DPF3: variants seen among roughly 807,000 people sequenced by gnomAD.
The protein encoded by DPF3 is zinc finger protein DPF3.
DPF3 carries 18 observed loss-of-function variants against 56.8 expected under a neutral mutation model. The observed-to-expected ratio is 0.32, with a 90% CI of 0.22 to 0.47. The LOEUF (loss-of-function observed/expected upper bound fraction) is 0.47, where lower values mean the gene tolerates loss of function less well. Ranked by LOEUF, DPF3 falls within the 20% of genes least tolerant of loss-of-function variation. The pLI, the probability that DPF3 is intolerant of heterozygous loss-of-function variation, is 1.00. For missense variants in DPF3, 403 were observed against 488.8 expected, an observed-to-expected ratio of 0.82 and a Z score of 1.65; for synonymous variants, 188 against 180.2, an observed-to-expected ratio of 1.04 and a Z score of -0.35.
At chr14:72,876,394 A>G (rs1886116043) in intron 1 of DPF3, among the ~76,000 whole-genome samples, 1 of 152,094 alleles carries the variant, frequency 6.6e-6, no homozygotes, top group African/African-American at 2.4e-5. Context: ...ACACAGGATG[A>G]CCACCCCACC....
At chr14:72,644,305 C>T (rs916119154) in intron 8 of DPF3, among the ~76,000 whole-genome samples, 1 of 152,228 alleles carries the variant, frequency 6.6e-6, no homozygotes, top group Non-Finnish European at 1.5e-5. Context: ...GGTCTGCACT[C>T]CTCCTGTATC....
At chr14:72,878,714 C>T (rs986390933) in intron 1 of DPF3, among the ~76,000 whole-genome samples, 2 of 152,204 alleles carry the variant, frequency 1.3e-5, no homozygotes, top group Admixed American at 1.3e-4. Flanking sequence ...TACTTACTCC[C>T]CTGAAAGAAA....
chr14:72,687,348 T>C (rs11621517), intron 7 of DPF3, among the ~76,000 whole-genome samples: 346 of 152,332 alleles, frequency 2.3e-3, no homozygotes, highest in Non-Finnish European at 4.1e-3. Context: ...GCTCTGAGTA[T>C]GCTATAGAGA....
chr14:72,687,739 G>A (rs2526910), intron 7 of DPF3, among the ~76,000 whole-genome samples: 89,591 of 152,012 alleles, frequency 0.59, 28,635 homozygotes, highest in East Asian at 0.93. Flanking sequence ...TCACCTCTTC[G>A]GTGAAGCCTT....
In DPF3 at chr14:72,708,633, T is replaced by C. The variant is rs906797268; in HGVS notation, c.604+5790A>G. 2.6e-5 allele frequency among the ~76,000 whole-genome samples: 4 copies of C among 152,152 alleles called. No homozygotes were observed. In the East Asian group the frequency reaches 7.7e-4, roughly 29 times the overall value. ...CAAAACTGCAAGAGTCATCTAACTC[T>C]CCCTGCTGCACTCAGGTAGGGGTAA... is the stretch of plus-strand genomic sequence containing the variant. On this transcript the variant is annotated intron_variant, in intron 6 of 10. Coordinates refer to ENST00000556509, the MANE Select transcript of DPF3 (RefSeq NM_001280542.3).
chr14:72,667,558 C>T (rs2153569956), intron 8 of DPF3, among the ~76,000 whole-genome samples: 1 of 152,266 alleles, frequency 6.6e-6, no homozygotes, highest in African/African-American at 2.4e-5. Flanking sequence ...ACTTATTTAA[C>T]AAAAGCAACA....
chr14:72,820,956 A>C (rs112547365), intron 1 of DPF3, among the ~76,000 whole-genome samples: 1 of 151,822 alleles, frequency 6.6e-6, no homozygotes, highest in African/African-American at 2.4e-5. Flanking sequence ...ACATGATGAA[A>C]CCCCATCTCT....
intron 1 of DPF3, among the ~76,000 whole-genome samples, chr14:72,841,849 A>C (rs1167712289): frequency 6.6e-6 from 1 of 152,112 alleles, no homozygotes; most frequent in Non-Finnish European, 1.5e-5. Context: ...TTGGGAGGCC[A>C]AGATAGGATG....
chr14:72,852,335 A>T (rs1394235718), intron 1 of DPF3, among the ~76,000 whole-genome samples: 1 of 152,234 alleles, frequency 6.6e-6, no homozygotes, highest in African/African-American at 2.4e-5. Context: ...ACTTGTGCTC[A>T]AAAACCCTTC....
intron 1 of DPF3, among the ~76,000 whole-genome samples, chr14:72,825,452 C>G (rs575873474): frequency 2.0e-5 from 3 of 152,170 alleles, no homozygotes; most frequent in Admixed American, 6.5e-5. Flanking sequence ...GGCTCACACT[C>G]TCTCACAGAG....
At chr14:72,653,323 G>T (rs1048871386) in intron 8 of DPF3, among the ~76,000 whole-genome samples, 3 of 152,202 alleles carry the variant, frequency 2.0e-5, no homozygotes, top group African/African-American at 7.2e-5. Context: ...GGGCCTCCAC[G>T]GAGTGGATGG....
At chr14:72,812,538 C>CT (rs1883096509) in intron 1 of DPF3, among the ~76,000 whole-genome samples, 1 of 151,982 alleles carries the variant, frequency 6.6e-6, no homozygotes, top group African/African-American at 2.4e-5. Context: ...ACCCAGAACA[C>CT]TTCCCATGAC....
chr14:72,665,460 G>T (rs920112955), intron 8 of DPF3, among the ~76,000 whole-genome samples: 1 of 152,138 alleles, frequency 6.6e-6, no homozygotes, highest in African/African-American at 2.4e-5. Flanking sequence ...CCAGTAATGG[G>T]GTAAATCAAT....
chr14:72,787,238 C>T (rs1175713705), intron 1 of DPF3, among the ~76,000 whole-genome samples: 1 of 152,248 alleles, frequency 6.6e-6, no homozygotes, highest in Non-Finnish European at 1.5e-5. Flanking sequence ...AGAAGCCCAG[C>T]CCACAGCTAT....
chr14:72,643,031 T>C lies in DPF3; in HGVS notation c.872-13295A>G, dbSNP rs58800234. On this transcript the variant is annotated intron_variant, in intron 8 of 10. Coordinates refer to ENST00000556509, the MANE Select transcript of DPF3 (RefSeq NM_001280542.3). ...CATTCCTGATTTACAAATGAAGAAG[T>C]TGAGGCTCAGAATGGCTCAGGCAGC... is the stretch of plus-strand genomic sequence containing the variant. Among the ~76,000 whole-genome samples the C allele has an allele frequency of 6.2e-3, 943 of 152,276 alleles. 11 individuals are homozygous for C. The highest frequency in any genetic ancestry group is 0.022 in the African/African-American group (907 of 41,554).
intron 1 of DPF3, among the ~76,000 whole-genome samples, chr14:72,857,204 A>G (rs564060844): frequency 8.5e-5 from 13 of 152,218 alleles, no homozygotes; most frequent in Non-Finnish European, 1.6e-4. Context: ...ATGTATGGAG[A>G]GAAGACACAC....
At chr14:72,716,340 T>C (rs148389284) in intron 5 of DPF3, among the ~76,000 whole-genome samples, 85 of 152,230 alleles carry the variant, frequency 5.6e-4, no homozygotes, top group African/African-American at 1.9e-3. Flanking sequence ...ATGGGGATCG[T>C]GTCTATAGGG....
intron 1 of DPF3, chr14:72,853,245 AGTGAGAAAGGGGGAAG>A (rs1049030146): frequency 2.6e-5 from 4 of 151,792 alleles, no homozygotes; most frequent in Non-Finnish European, 5.9e-5. Flanking sequence ...CAAGAGCAGC[AGTGAGAAAGGGGGAAG>A]GAAAGAACAA....
Position 72,879,907 on chromosome 14 carries a change from G to A in DPF3, c.32+14150C>T, listed in dbSNP as rs191368510. On this transcript the variant is annotated intron_variant, in intron 1 of 10. Coordinates refer to ENST00000556509, the MANE Select transcript of DPF3 (RefSeq NM_001280542.3). ...GTTCACATCTATATGCGTGTTTTCC[G>A]GGGAGATGATCCACAACTTTCATAG... 6.7e-4 allele frequency: 1,019 copies of A among 1,516,264 alleles called. 3 individuals carry two copies. Among genetic ancestry groups the A allele is most frequent in the South Asian group, 2.1e-3 (171 of 80,702 alleles). The allele number at this position is 1,516,264 out of a possible 1,614,324, so 93.9% of individuals were successfully genotyped here.
Sources: allele counts gnomAD v4.1 joint callset (sites outside exome capture counted in the v4.1 genomes callset), GRCh38; gene constraint gnomAD v4.1.1; transcripts MANE v1.5; gene names NCBI Gene and HGNC (gene_info 2026-07-23, HGNC 2026-07-21).